Variants in ADSS1 observed in about 807,000 individuals in gnomAD.
The protein encoded by ADSS1 is adenylosuccinate synthase 1.
In ADSS1, 57 loss-of-function variants were observed where a neutral mutation model predicts 59.1. The ratio of observed to expected loss-of-function variants is 0.97; its 90% confidence interval spans 0.78 to 1.20. The LOEUF (loss-of-function observed/expected upper bound fraction) is 1.20. Among genes scored for constraint, ADSS1 ranks in the 50% most tolerant of loss-of-function variants. The pLI is 0.00. For missense variants in ADSS1, 603 were observed against 610.3 expected (o/e 0.99, Z 0.13); for synonymous variants, 247 against 249.4 (o/e 0.99, Z 0.09).
chr14:104,744,717 G>A (rs1454185939), intron 10 of ADSS1, 95 bp from the exon 11 acceptor site: 6 of 1,220,646 alleles, frequency 4.9e-6, no homozygotes, highest in South Asian at 1.3e-5. Flanking sequence ...GACCCCTGCT[G>A]TAAGTAACAG....
In ADSS1 at chr14:104,747,150, C is replaced by G; in HGVS notation, c.*147C>G. The G allele has an allele frequency of 1.5e-6, 1 of 676,158 alleles. No homozygotes were observed. Among genetic ancestry groups the G allele is most frequent in the Non-Finnish European group, 2.3e-6 (1 of 429,030 alleles). The allele number at this position is 676,158 out of a possible 1,614,324, so 41.9% of individuals were successfully genotyped here. A position where few individuals can be genotyped will look rare whatever the true frequency, so the allele number is the denominator to read the frequency against. ...ATATTTCTGTTCAACCTGTTGGTTT[C>G]TACAATGATTTTAAACATTGGAAAG... On this transcript the variant is annotated 3_prime_UTR_variant, in exon 13 of 13. Coordinates refer to ENST00000330877, the MANE Select transcript of ADSS1 (RefSeq NM_152328.5).
intron 2 of ADSS1, chr14:104,737,997 G>C (rs927708787): frequency 8.1e-6 from 2 of 246,198 alleles, no homozygotes; most frequent in African/African-American, 4.6e-5. Flanking sequence ...TTTTGTTGTT[G>C]TTTGTTTGCT....
intron 2 of ADSS1, among the ~76,000 whole-genome samples, chr14:104,736,201 C>T (rs948511454): frequency 1.3e-5 from 2 of 152,340 alleles, no homozygotes; most frequent in East Asian, 1.9e-4. Flanking sequence ...AGTGTGGGGG[C>T]GGTCCCTAGT....
Position 104,743,022 on chromosome 14 carries a change from G to A in ADSS1, c.949-45G>A, listed in dbSNP as rs867349551. On this transcript the variant is annotated intron_variant, in intron 9 of 12. Transcript: ENST00000330877. Reference sequence around the variant, plus strand: ...GGAGCAGCAGGGCCAGGCTGCACAAGGCTCCCACGACAGCTCACATGACGT... The same window carrying A: ...GGAGCAGCAGGGCCAGGCTGCACAAAGCTCCCACGACAGCTCACATGACGT... The A allele has an allele frequency of 4.4e-6, 7 of 1,607,838 alleles. No homozygotes were observed. In the Middle Eastern group the frequency reaches 5.0e-4, roughly 114 times the overall value.
At chr14:104,735,384 GCCTGATC>G (rs66802280) in intron 2 of ADSS1, among the ~76,000 whole-genome samples, 19,775 of 152,168 alleles carry the variant, frequency 0.13, 1,323 homozygotes, top group Non-Finnish European at 0.14. Context: ...GAGCGGGAGT[GCCTGATC>G]CCTGATCCCT....
At chr14:104,744,074 A>G (rs2140826154) in intron 10 of ADSS1, among the ~76,000 whole-genome samples, 1 of 141,218 alleles carries the variant, frequency 7.1e-6, no homozygotes, top group East Asian at 2.5e-4. Flanking sequence ...CATCATTGGC[A>G]TCAGTGGGTG....
rs1372082179 is a variant in ADSS1, at chr14:104,730,197, C to A, written c.193-4823C>A. The A allele has an allele frequency of 3.9e-6, 6 of 1,521,140 alleles. No homozygotes were observed. The highest frequency in any genetic ancestry group is 5.3e-6 in the Non-Finnish European group (6 of 1,126,870). 94.2% of individuals were successfully genotyped at this position (1,521,140 alleles called of 1,614,324 possible). ...AGGACTGCAGGAGCCGGATCCTTAA[C>A]ACCTGGAGGGGAGCGGGTGGGTGCG... On this transcript the variant is annotated intron_variant, in intron 1 of 12. Coordinates refer to ENST00000330877, the MANE Select transcript of ADSS1 (RefSeq NM_152328.5).
chr14:104,724,269 G>A lies in ADSS1; in HGVS notation c.-2G>A. On this transcript the variant is annotated 5_prime_UTR_variant, in exon 1 of 13. Transcript: ENST00000330877. ...CCAGCGCAGCGGAAGAGCCAAGCCA[G>A]CATGTCGGGGACCCGAGCCTCCAAC... 8.1e-7 allele frequency: 1 copy of A among 1,228,416 alleles called. No homozygotes were observed. The highest frequency in any genetic ancestry group is 1.0e-6 in the Non-Finnish European group (1 of 984,576). 76.1% of individuals were successfully genotyped at this position (1,228,416 alleles called of 1,614,324 possible). A position where few individuals can be genotyped will look rare whatever the true frequency, so the allele number is the denominator to read the frequency against.
chr14:104,746,165 T>C lies in ADSS1; in HGVS notation c.1172-71T>C, dbSNP rs1891546924. 2.0e-6 allele frequency: 3 copies of C among 1,533,462 alleles called. No homozygotes were observed. The South Asian group carries it at 3.7e-5, about 19-fold the overall frequency. 95.0% of individuals were successfully genotyped at this position (1,533,462 alleles called of 1,614,324 possible). A position where few individuals can be genotyped will look rare whatever the true frequency, so the allele number is the denominator to read the frequency against. On this transcript the variant is annotated intron_variant, in intron 11 of 12. Coordinates refer to ENST00000330877, the MANE Select transcript of ADSS1 (RefSeq NM_152328.5). ...GAGGCCCTGGATGGGGGTGGCCGTG[T>C]CACCAAATATCCGCTTCCCTGGTGA...
chr14:104,744,946 C>T (rs567704340), intron 11 of ADSS1, 37 bp downstream of exon 11: 14 of 1,591,394 alleles, frequency 8.8e-6, no homozygotes, highest in Middle Eastern at 1.7e-4. Flanking sequence ...CCTGTTGGGC[C>T]GTTTCATGGT....
chr14:104,738,491 GGTT>G, intron 3 of ADSS1, 53 bp downstream of exon 3: 1 of 1,594,662 alleles, frequency 6.3e-7, no homozygotes, highest in Non-Finnish European at 8.6e-7. Flanking sequence ...TGCCCTGAGC[GGTT>G]GTTGGCTGGA....
At chr14:104,733,220 G>A (rs999266873) in intron 1 of ADSS1, among the ~76,000 whole-genome samples, 6 of 151,962 alleles carry the variant, frequency 3.9e-5, no homozygotes, top group African/African-American at 1.5e-4. Context: ...ACCCAGCACC[G>A]CCCCGCCCAG....
intron 10 of ADSS1, chr14:104,743,507 A>G: frequency 3.4e-6 from 1 of 296,924 alleles, no homozygotes; most frequent in Non-Finnish European, 6.7e-6. Context: ...GAAAGGATGC[A>G]CTGTCATCCT....
At chr14:104,725,881 G>T (rs910418270) in intron 1 of ADSS1, among the ~76,000 whole-genome samples, 2 of 151,760 alleles carry the variant, frequency 1.3e-5, no homozygotes, top group South Asian at 2.1e-4. Context: ...CACTTCTGCA[G>T]GGCGGGCTGG....
chr14:104,735,934 AC>A (rs1891103741), intron 2 of ADSS1, among the ~76,000 whole-genome samples: 1 of 152,020 alleles, frequency 6.6e-6, no homozygotes, highest in Non-Finnish European at 1.5e-5. Context: ...CTGTTTCCAG[AC>A]TTCAGCAAGG....
Position 104,727,136 on chromosome 14 carries a change from C to T in ADSS1, c.192+2674C>T, listed in dbSNP as rs1890738187. Among the ~76,000 whole-genome samples the T allele has an allele frequency of 3.3e-5, 5 of 152,174 alleles. No individual in the cohort carries two copies. The South Asian group carries it at 1.0e-3, about 32-fold the overall frequency. On this transcript the variant is annotated intron_variant, in intron 1 of 12. Transcript: ENST00000330877. ...TGATCTGGGGCTGCCCAAAGCCCCG[C>T]ACGGCTCGCCTCATTCTTTTCCCAT...
intron 5 of ADSS1, among the ~76,000 whole-genome samples, 167 bp downstream of exon 5, chr14:104,739,983 G>C (rs910704361): frequency 1.3e-5 from 2 of 152,030 alleles, no homozygotes; most frequent in African/African-American, 4.8e-5. Context: ...CCCAACCCCC[G>C]GACGAGCCAG....
At chr14:104,741,809 G>C (rs750195957) in intron 8 of ADSS1, 39 bp from the exon 9 acceptor site, 1 of 1,608,962 alleles carries the variant, frequency 6.2e-7, no homozygotes, top group South Asian at 1.1e-5. Flanking sequence ...AATCTACAGG[G>C]GGTGACAGGT....
At chr14:104,727,478 C>T (rs540621087) in intron 1 of ADSS1, among the ~76,000 whole-genome samples, 1 of 152,260 alleles carries the variant, frequency 6.6e-6, no homozygotes, top group Admixed American at 6.5e-5. Flanking sequence ...GGCTGAGTCT[C>T]CTCTGAGCCA....
Sources: allele counts gnomAD v4.1 joint callset (sites outside exome capture counted in the v4.1 genomes callset), GRCh38; gene constraint gnomAD v4.1.1; transcripts MANE v1.5; gene names NCBI Gene and HGNC (gene_info 2026-07-23, HGNC 2026-07-21).